The following PPP2R5B variants were observed in gnomAD, a reference collection of about 807,000 sequenced individuals.
PPP2R5B encodes serine/threonine-protein phosphatase 2A 56 kDa regulatory subunit beta isoform.
A neutral mutation model predicts 59.9 loss-of-function variants in PPP2R5B; 19 were observed. That is an observed-to-expected ratio of 0.32 (90% CI 0.22 to 0.47). The LOEUF (loss-of-function observed/expected upper bound fraction) is 0.47. Among genes scored for constraint, PPP2R5B ranks in the 20% least tolerant of loss-of-function variants. PPP2R5B has a pLI of 1.00. For missense variants in PPP2R5B, 441 were observed against 640.2 expected (o/e 0.69, Z 3.36); for synonymous variants, 286 against 260.5 (o/e 1.10, Z -0.94).
At position 64,924,876 on chromosome 11, in the gene PPP2R5B, G is replaced by C. The variant is rs1310732129; in HGVS notation, c.-417G>C. On this transcript the variant is annotated 5_prime_UTR_variant, in exon 1 of 14. The change abolishes the stop of an existing upstream ORF in the 5' untranslated region. Coordinates refer to ENST00000164133, the MANE Select transcript of PPP2R5B (RefSeq NM_006244.4). The stretch of plus-strand genomic sequence containing the variant: ...GGGGCTGAGTTGGGGGCATGCTCTA[G>C]CCGCCCCCCCGGAGCCCGGGAGAGA... 6.6e-6 allele frequency: 1 copy of C among 152,172 alleles called. No homozygotes were observed. The highest frequency in any genetic ancestry group is 1.9e-4 in the East Asian group (1 of 5,206). 9.4% of individuals were successfully genotyped at this position (152,172 alleles called of 1,614,324 possible).
rs749945092 is a variant in PPP2R5B at position 64,934,107 on chromosome 11, C to A, written c.*263C>A. 30 of 417,478 alleles carry A rather than the reference C, an allele frequency of 7.2e-5. No individual in the cohort carries two copies. The highest frequency in any genetic ancestry group is 1.1e-4 in the Non-Finnish European group (27 of 238,756). 25.9% of individuals were successfully genotyped at this position (417,478 alleles called of 1,614,324 possible). A position where few individuals can be genotyped will look rare whatever the true frequency, so the allele number is the denominator to read the frequency against. On this transcript the variant is annotated 3_prime_UTR_variant, in exon 14 of 14. Transcript: ENST00000164133. The stretch of plus-strand genomic sequence containing the variant: ...GCTGCCATCAGGGATCTTCCCCTGC[C>A]CCGCAAAGCTAGGCTCCAGCTGCAG...
At position 64,931,288 on chromosome 11, in the gene PPP2R5B, A is replaced by G; in HGVS notation, c.892-148A>G. 1 of 834,982 alleles carries G rather than the reference A, an allele frequency of 1.2e-6. No homozygotes were observed. Among genetic ancestry groups the G allele is most frequent in the Non-Finnish European group, 1.9e-6 (1 of 513,034 alleles). The allele number at this position is 834,982 out of a possible 1,614,324, so 51.7% of individuals were successfully genotyped here. ...GCACACTGAATGTGATGCCTGGTAC[A>G]TCCTAGGCAGGTGATAAATGCTTGG... On this transcript the variant is annotated intron_variant, in intron 8 of 13. Coordinates refer to ENST00000164133, the MANE Select transcript of PPP2R5B (RefSeq NM_006244.4). The surrounding 1 kb of genome is among the most constrained non-coding windows in gnomAD (Gnocchi z 5.0).
At chr11:64,926,956 G>A (rs759715867) in intron 3 of PPP2R5B, 48 bp downstream of exon 3, 148 of 1,587,082 alleles carry the variant, frequency 9.3e-5, no homozygotes, top group Non-Finnish European at 1.3e-4. Context: ...GAGGGCGTGT[G>A]AGCCCCGTTT....
In PPP2R5B at chr11:64,930,592, G is replaced by A. The variant is rs922506891; in HGVS notation, c.891+3G>A. The stretch of plus-strand genomic sequence containing the variant: ...CGCTGTCTGTCTTCCATGCCCAGGT[G>A]AGGCCCAGGCCTGTCCCTGCTGCAG... On this transcript the variant is annotated splice_donor_region_variant and intron_variant, in intron 8 of 13. Transcript: ENST00000164133. The A allele has an allele frequency of 2.6e-5, 42 of 1,612,416 alleles. No individual in the cohort carries two copies. Among genetic ancestry groups the A allele is most frequent in the Non-Finnish European group, 3.4e-5 (40 of 1,178,550 alleles).
intron 3 of PPP2R5B, 113 bp downstream of exon 3, chr11:64,927,021 C>A: frequency 7.8e-7 from 1 of 1,285,678 alleles, no homozygotes; most frequent in Non-Finnish European, 1.1e-6. Context: ...GGCTTGGCCT[C>A]AGTCCACGTC....
upstream of PPP2R5B, chr11:64,923,071 C>G (rs973769335): frequency 6.6e-6 from 1 of 152,164 alleles, no homozygotes; most frequent in Non-Finnish European, 1.5e-5. Flanking sequence ...GTGATCTTCC[C>G]ACCTCAGCCT....
intron 13 of PPP2R5B, 21 bp downstream of exon 13, chr11:64,933,267 G>A (rs370656052): frequency 3.1e-5 from 49 of 1,569,374 alleles, no homozygotes; most frequent in South Asian, 4.4e-5. Context: ...GGGGCTGGGC[G>A]TGGGGGAAGG....
At chr11:64,919,528 C>T (rs1266324494) in intron 1 of PPP2R5B, among the ~76,000 whole-genome samples, 2 of 151,018 alleles carry the variant, frequency 1.3e-5, no homozygotes, top group African/African-American at 4.9e-5. Context: ...CGCTTGAGCC[C>T]AGGAGTTTGA....
chr11:64,930,196 C>A, intron 6 of PPP2R5B, 126 bp from the exon 7 acceptor site: 1 of 1,060,626 alleles, frequency 9.4e-7, no homozygotes, highest in Non-Finnish European at 1.4e-6. Context: ...GAAGGGAGCG[C>A]AGCCTCTGGG....
chr11:64,933,946 G>C lies in PPP2R5B; in HGVS notation c.*102G>C. On this transcript the variant is annotated 3_prime_UTR_variant, in exon 14 of 14. Transcript: ENST00000164133. The stretch of plus-strand genomic sequence containing the variant: ...GAGAAACACACCTACCCCTGGCCTT[G>C]CCAGAGTGGCTTCTGAGGACTCCCT... The C allele has an allele frequency of 7.4e-7, 1 of 1,350,090 alleles. No homozygotes were observed. The highest frequency in any genetic ancestry group is 9.7e-7 in the Non-Finnish European group (1 of 1,033,254). The allele number at this position is 1,350,090 out of a possible 1,614,324, so 83.6% of individuals were successfully genotyped here.
At position 64,933,837 on chromosome 11, in the gene PPP2R5B, A is replaced by G; in HGVS notation, c.1487A>G (p.Gln496Arg). The G allele has an allele frequency of 1.3e-6, 2 of 1,534,492 alleles. No homozygotes were observed. The highest frequency in any genetic ancestry group is 1.8e-6 in the Non-Finnish European group (2 of 1,140,810). ...CCCCAGGTGGCCGCCAGTGGGGGTC[A>G]GAGCTAGACAGCACCTCAGAAGGGG... ...LTPQVAASGG[Q>R]S Residue 496 changes from glutamine to arginine, a missense_variant, in exon 14 of 14, where the codon CAG becomes CGG. Coordinates refer to ENST00000164133, the MANE Select transcript of PPP2R5B (RefSeq NM_006244.4).
At chr11:64,928,195 G>T (rs1945189200) in intron 5 of PPP2R5B, 37 bp downstream of exon 5, 6 of 1,613,570 alleles carry the variant, frequency 3.7e-6, no homozygotes, top group Non-Finnish European at 5.1e-6. Context: ...GTACCACAAG[G>T]CAGGGGCAGG....
intron 13 of PPP2R5B, 40 bp downstream of exon 13, chr11:64,933,286 C>G (rs1473684118): frequency 3.9e-6 from 6 of 1,532,930 alleles, no homozygotes; most frequent in Non-Finnish European, 5.4e-6. Context: ...GGGAGAAGAG[C>G]AGGGAGGAGT....
upstream of PPP2R5B, among the ~76,000 whole-genome samples, chr11:64,923,791 G>T (rs1945130809): frequency 6.6e-6 from 1 of 152,162 alleles, no homozygotes; most frequent in Non-Finnish European, 1.5e-5. Flanking sequence ...ACATTTCAGG[G>T]TGGAGATTTC....
Position 64,933,152 on chromosome 11 carries a change from G to C in PPP2R5B, c.1252G>C (p.Val418Leu), listed in dbSNP as rs762655633. ...VSKEHWNQTIVSLIYNVLKTF... is the reference protein window; with the variant it reads ...VSKEHWNQTILSLIYNVLKTF... ...CTCCTTGACACTGCCAAGAACCATC[G>C]TATCACTGATCTACAATGTGCTCAA... The change falls in exon 13 of 14, where the codon GTA becomes CTA. Residue 418 changes from valine (V) to leucine (L), a missense_variant. Transcript: ENST00000164133. 1 of 1,611,042 alleles carries C rather than the reference G, an allele frequency of 6.2e-7. No homozygotes were observed. Among genetic ancestry groups the C allele is most frequent in the Non-Finnish European group, 8.5e-7 (1 of 1,177,440 alleles).
Position 64,925,996 on chromosome 11 carries a change from A to C in PPP2R5B, c.199+63A>C. 1.3e-6 allele frequency: 2 copies of C among 1,502,960 alleles called. No homozygotes were observed. The highest frequency in any genetic ancestry group is 9.0e-7 in the Non-Finnish European group (1 of 1,106,030). 93.1% of individuals were successfully genotyped at this position (1,502,960 alleles called of 1,614,324 possible). On this transcript the variant is annotated intron_variant, in intron 2 of 13. Coordinates refer to ENST00000164133, the MANE Select transcript of PPP2R5B (RefSeq NM_006244.4). This position sits in a 1 kb window ranked among gnomAD's most constrained non-coding sequence, Gnocchi z 4.6. The stretch of plus-strand genomic sequence containing the variant: ...CGAGGGGACCAGCAGGGCCATGGGG[A>C]GGGGTGGGAGGCAGCGGGCAGCTGC...
intron 13 of PPP2R5B, among the ~76,000 whole-genome samples, 156 bp from the exon 14 acceptor site, chr11:64,933,541 C>T (rs1221051846): frequency 6.6e-6 from 1 of 152,216 alleles, no homozygotes; most frequent in Non-Finnish European, 1.5e-5. Flanking sequence ...CCTCTGCTCT[C>T]TTCCCTCAGT....
intron 2 of PPP2R5B, 115 bp from the exon 3 acceptor site, chr11:64,926,597 C>A: frequency 9.0e-7 from 1 of 1,110,468 alleles, no homozygotes; most frequent in Non-Finnish European, 1.3e-6. Context: ...GGCACAAGAG[C>A]ATGGGGCCTG....
chr11:64,920,227 T>G (rs1468145104), upstream of PPP2R5B, among the ~76,000 whole-genome samples: 5 of 152,218 alleles, frequency 3.3e-5, no homozygotes. Flanking sequence ...TCTAGGCCCC[T>G]GGAGCCACTC....
Sources: allele counts gnomAD v4.1 joint callset (sites outside exome capture counted in the v4.1 genomes callset), GRCh38; gene constraint gnomAD v4.1.1; non-coding constraint Gnocchi (gnomAD v3.1); transcripts MANE v1.5; gene names NCBI Gene and HGNC (gene_info 2026-07-23, HGNC 2026-07-21).